The following GALNT10 variants were observed in gnomAD, a reference collection of about 807,000 sequenced individuals.
The protein encoded by GALNT10 is polypeptide N-acetylgalactosaminyltransferase 10, also known as GalNAc transferase 10.
In GALNT10, 41 loss-of-function variants were observed where a neutral mutation model predicts 75.0. The ratio of observed to expected loss-of-function variants is 0.55; its 90% confidence interval spans 0.43 to 0.71. The LOEUF is 0.71. Ranked by LOEUF, GALNT10 falls within the 30% of genes least tolerant of loss-of-function variation. GALNT10 has a pLI of 0.00. For missense variants in GALNT10, 727 were observed against 818.5 expected, an observed-to-expected ratio of 0.89 and a Z score of 1.36; for synonymous variants, 302 against 313.0, an observed-to-expected ratio of 0.96 and a Z score of 0.37.
At chr5:154,219,736 G>A (rs922272436) in intron 1 of GALNT10, 5 of 151,850 alleles carry the variant, frequency 3.3e-5, no homozygotes, top group Admixed American at 2.6e-4. Context: ...ATCTTTCCAA[G>A]CCCAACGTTT....
At position 154,417,263 on chromosome 5, in the gene GALNT10, A is replaced by AT. The variant is rs1375208718; in HGVS notation, c.*292dup. 15 of 355,872 alleles carry AT rather than the reference A, an allele frequency of 4.2e-5. No homozygotes were observed. The highest frequency in any genetic ancestry group is 8.7e-5 in the South Asian group (2 of 23,040). The allele number at this position is 355,872 out of a possible 1,614,324, so 22.0% of individuals were successfully genotyped here. A position where few individuals can be genotyped will look rare whatever the true frequency, so the allele number is the denominator to read the frequency against. The stretch of plus-strand genomic sequence containing the variant: ...ACAGAGCCTTTTCAACTTTGTCACT[A>AT]TGTCCCCTTGAACATTATGTGGGAG... On this transcript the variant is annotated 3_prime_UTR_variant, in exon 12 of 12. Transcript: ENST00000297107.
intron 1 of GALNT10, among the ~76,000 whole-genome samples, chr5:154,199,782 G>A (rs1376686566): frequency 2.0e-5 from 3 of 152,194 alleles, no homozygotes; most frequent in African/African-American, 7.2e-5. Flanking sequence ...AGGAGAGAGT[G>A]TGGAGTTGGG....
intron 1 of GALNT10, among the ~76,000 whole-genome samples, chr5:154,226,848 G>A (rs948628883): frequency 6.6e-6 from 1 of 151,490 alleles, no homozygotes; most frequent in African/African-American, 2.4e-5. Flanking sequence ...TGTCCCTCCT[G>A]CACCTCCTCT....
At chr5:154,253,900 C>G (rs937594500) in intron 1 of GALNT10, among the ~76,000 whole-genome samples, 2 of 152,044 alleles carry the variant, frequency 1.3e-5, no homozygotes, top group Non-Finnish European at 2.9e-5. Context: ...TTGATCCGCC[C>G]TAGAAGATCA....
chr5:154,319,031 A>T (rs1476869453), intron 3 of GALNT10, among the ~76,000 whole-genome samples: 1 of 152,256 alleles, frequency 6.6e-6, no homozygotes, highest in Non-Finnish European at 1.5e-5. Flanking sequence ...TATTGATTCA[A>T]GAGGGCCTCA....
intron 1 of GALNT10, among the ~76,000 whole-genome samples, chr5:154,213,972 A>G (rs951063144): frequency 6.6e-6 from 1 of 152,188 alleles, no homozygotes; most frequent in Non-Finnish European, 1.5e-5. Flanking sequence ...TCCCTTCCAG[A>G]GTTCTCCATC....
In GALNT10 at chr5:154,265,983, A is replaced by T. The variant is rs555463973; in HGVS notation, c.160-28833A>T. On this transcript the variant is annotated intron_variant, in intron 1 of 11. Coordinates refer to ENST00000297107, the MANE Select transcript of GALNT10 (RefSeq NM_198321.4). ...TAACATGCAATGAGAACTTTAAAAA[A>T]CTCATCCAGAAGCTTTCTTTCTGAG... Among the ~76,000 whole-genome samples the T allele has an allele frequency of 2.0e-5, 3 of 152,110 alleles. No individual in the cohort carries two copies. In the South Asian group the frequency reaches 6.2e-4, roughly 32 times the overall value.
At position 154,298,003 on chromosome 5, in the gene GALNT10, C is replaced by A; in HGVS notation, c.325C>A (p.Arg109=). 1 of 1,612,816 alleles carries A rather than the reference C, an allele frequency of 6.2e-7. No homozygotes were observed. The change falls in exon 3 of 12, where the codon CGA becomes AGA. Residue 109 remains arginine (R), a synonymous_variant. Transcript: ENST00000297107. The surrounding 1 kb of genome is among the most constrained non-coding windows in gnomAD (Gnocchi z 4.1). The part of the protein sequence containing the change: ...TDAERVDQAY[R]ENGFNIYVSD... Reference sequence around the variant, plus strand: ...TGCTGAGAGAGTGGATCAGGCATACCGAGAAAATGGATTTAACATCTACGT... The same window carrying A: ...TGCTGAGAGAGTGGATCAGGCATACAGAGAAAATGGATTTAACATCTACGT...
intron 1 of GALNT10, among the ~76,000 whole-genome samples, chr5:154,235,679 C>G (rs1753234750): frequency 6.6e-6 from 1 of 152,152 alleles, no homozygotes. Context: ...CACTTTGATC[C>G]TCAATTTCTA....
chr5:154,234,654 G>C (rs183823012), intron 1 of GALNT10, among the ~76,000 whole-genome samples: 6 of 152,252 alleles, frequency 3.9e-5, no homozygotes, highest in African/African-American at 1.4e-4. Flanking sequence ...TGAGTCTGGT[G>C]TCAGGATCAG....
At chr5:154,356,230 G>A (rs1435839513) in intron 4 of GALNT10, 1 of 456,194 alleles carries the variant, frequency 2.2e-6, no homozygotes, top group South Asian at 1.5e-5. Context: ...GATGATGCCA[G>A]GATTCCATTT....
intron 4 of GALNT10, among the ~76,000 whole-genome samples, chr5:154,363,126 T>C (rs1755417636): frequency 6.6e-6 from 1 of 152,136 alleles, no homozygotes; most frequent in African/African-American, 2.4e-5. Context: ...AAAGATGATT[T>C]TGGCATATTG....
chr5:154,223,876 C>T (rs746011200), intron 1 of GALNT10, among the ~76,000 whole-genome samples: 23 of 151,032 alleles, frequency 1.5e-4, no homozygotes, highest in East Asian at 6.0e-4. Flanking sequence ...GCTGAGATCG[C>T]GTCACTGCAC....
At chr5:154,246,015 G>C (rs1753417168) in intron 1 of GALNT10, among the ~76,000 whole-genome samples, 1 of 149,050 alleles carries the variant, frequency 6.7e-6, no homozygotes, top group East Asian at 2.0e-4. Context: ...GTGTCCATGT[G>C]TTCTCATTGT....
chr5:154,368,345 G>A (rs565844853), intron 4 of GALNT10, among the ~76,000 whole-genome samples: 8 of 152,282 alleles, frequency 5.3e-5, no homozygotes, highest in African/African-American at 1.2e-4. Flanking sequence ...AGGTTCAGTC[G>A]GCTCTCTGCT....
chr5:154,265,161 G>T (rs1753759240), intron 1 of GALNT10, among the ~76,000 whole-genome samples: 1 of 152,202 alleles, frequency 6.6e-6, no homozygotes, highest in Non-Finnish European at 1.5e-5. Flanking sequence ...GGGAATGGAT[G>T]TAGGGAGCCT....
chr5:154,258,376 G>A (rs1753647650), intron 1 of GALNT10, among the ~76,000 whole-genome samples: 1 of 152,198 alleles, frequency 6.6e-6, no homozygotes, highest in Non-Finnish European at 1.5e-5. Flanking sequence ...GGGGAAACCA[G>A]ATAGTCAAAC....
In GALNT10 at chr5:154,247,369, G is replaced by A. The variant is rs1277029533; in HGVS notation, c.160-47447G>A. Reference sequence around the variant, plus strand: ...AAGAAAGTCATTGGTAGCTTGATGGGGATGGCATTGAATCTATCAATTACC... The same window carrying A: ...AAGAAAGTCATTGGTAGCTTGATGGAGATGGCATTGAATCTATCAATTACC... On this transcript the variant is annotated intron_variant, in intron 1 of 11. Transcript: ENST00000297107. Among the ~76,000 whole-genome samples the A allele has an allele frequency of 3.3e-5, 5 of 152,132 alleles. No homozygotes were observed. The East Asian group carries it at 9.6e-4, about 29-fold the overall frequency.
chr5:154,338,803 G>T (rs1215719383), intron 4 of GALNT10, among the ~76,000 whole-genome samples: 3 of 152,188 alleles, frequency 2.0e-5, no homozygotes, highest in Non-Finnish European at 2.9e-5. Flanking sequence ...AGCAAGACCA[G>T]AATATCAGCT....
Sources: gnomAD v4.1 joint callset for allele counts (sites outside exome capture counted in the v4.1 genomes callset) on GRCh38, gnomAD v4.1.1 for gene constraint, Gnocchi (gnomAD v3.1) non-coding constraint, MANE v1.5 for transcripts, NCBI Gene and HGNC (gene_info 2026-07-23, HGNC 2026-07-21) for gene names.